CSMD1: variants seen among roughly 807,000 people sequenced by gnomAD.
CSMD1 encodes CUB and Sushi multiple domains 1.
In CSMD1, 213 loss-of-function variants were observed where a neutral mutation model predicts 417.5. That is an observed-to-expected ratio of 0.51 (90% confidence interval 0.46 to 0.57). The LOEUF is 0.57. Ranked by LOEUF, CSMD1 falls within the 20% of genes least tolerant of loss-of-function variation. CSMD1 has a pLI of 0.00. For synonymous variants in CSMD1, 2,862 were observed against 1,736.8 expected (o/e 1.65, Z -16.11); for missense variants, 6,923 against 4,529.7 (o/e 1.53, Z -15.17).
intron 25 of CSMD1, among the ~76,000 whole-genome samples, chr8:3,305,057 T>G (rs1369778046): frequency 6.6e-6 from 1 of 152,156 alleles, no homozygotes; most frequent in Non-Finnish European, 1.5e-5. Flanking sequence ...ATTAATTTAT[T>G]TACTTAAGAC....
At chr8:3,468,646 C>A (rs1436389589) in intron 12 of CSMD1, 66 bp downstream of exon 12, 1 of 973,996 alleles carries the variant, frequency 1.0e-6, no homozygotes, top group Non-Finnish European at 1.6e-6. Context: ...CTAACCAACA[C>A]AGAATGCTCT....
chr8:3,516,911 G>C (rs753984884), intron 10 of CSMD1, among the ~76,000 whole-genome samples: 1 of 152,164 alleles, frequency 6.6e-6, no homozygotes, highest in East Asian at 1.9e-4. Context: ...CTGCAAAATC[G>C]TAGAACCAAC....
intron 2 of CSMD1, among the ~76,000 whole-genome samples, chr8:4,635,634 G>C (rs189351723): frequency 2.2e-3 from 335 of 152,154 alleles, no homozygotes; most frequent in African/African-American, 7.8e-3. Context: ...AAAATGGATT[G>C]TCTAATTCTT....
At chr8:3,826,405 G>A (rs1341386899) in intron 5 of CSMD1, among the ~76,000 whole-genome samples, 1 of 152,144 alleles carries the variant, frequency 6.6e-6, no homozygotes, top group Non-Finnish European at 1.5e-5. Flanking sequence ...CTGATCATGA[G>A]ACACGAGTTA....
Position 3,976,299 on chromosome 8 carries a change from C to A in CSMD1, c.818+21604G>T, listed in dbSNP as rs192282158. On this transcript the variant is annotated intron_variant, in intron 5 of 69. Transcript: ENST00000635120. ...TTTTTAGCTGTCAGGTTATACTTAT[C>A]ATTTTTTTCTCATAGAGTCAATGCG... Among the ~76,000 whole-genome samples, 1,356 of 150,608 alleles carry A rather than the reference C, an allele frequency of 9.0e-3. 73 individuals are homozygous for A. The highest frequency in any genetic ancestry group is 0.076 in the Admixed American group (1,161 of 15,246).
chr8:4,609,824 C>T (rs943803570), intron 2 of CSMD1, among the ~76,000 whole-genome samples: 1 of 152,116 alleles, frequency 6.6e-6, no homozygotes, highest in Admixed American at 6.5e-5. Flanking sequence ...TAAAACCAAG[C>T]ATCAAATGCC....
At chr8:4,410,811 A>G (rs549282417) in intron 3 of CSMD1, among the ~76,000 whole-genome samples, 1 of 152,330 alleles carries the variant, frequency 6.6e-6, no homozygotes, top group East Asian at 1.9e-4. Context: ...CAATGGTTTG[A>G]ATATGGTTTG....
intron 3 of CSMD1, among the ~76,000 whole-genome samples, chr8:4,169,747 C>A (rs556264720): frequency 6.6e-6 from 1 of 152,234 alleles, no homozygotes; most frequent in East Asian, 1.9e-4. Context: ...GTTCAAACGC[C>A]CCCTTGAGGA....
At chr8:3,011,472 G>A (rs1808376689) in intron 52 of CSMD1, among the ~76,000 whole-genome samples, 1 of 151,962 alleles carries the variant, frequency 6.6e-6, no homozygotes, top group African/African-American at 2.4e-5. Context: ...GACTATCTAA[G>A]AACTATGAAT....
intron 10 of CSMD1, among the ~76,000 whole-genome samples, chr8:3,521,152 TG>T (rs1362973922): frequency 3.5e-5 from 4 of 112,842 alleles, no homozygotes; most frequent in Non-Finnish European, 7.7e-5. Context: ...ACACTGAAAA[TG>T]AATGTATTTA....
chr8:4,049,867 T>C (rs191293117), intron 3 of CSMD1, among the ~76,000 whole-genome samples: 67 of 151,948 alleles, frequency 4.4e-4, no homozygotes, highest in Admixed American at 9.2e-4. Flanking sequence ...TAAAGTCTTA[T>C]TGAATTATCT....
chr8:4,906,331 T>G (rs1440786610), intron 1 of CSMD1, among the ~76,000 whole-genome samples: 1 of 152,220 alleles, frequency 6.6e-6, no homozygotes, highest in Non-Finnish European at 1.5e-5. Flanking sequence ...TAAGTATTAT[T>G]TTCCTTTAAA....
At chr8:3,252,008 A>C (rs1466996546) in intron 26 of CSMD1, among the ~76,000 whole-genome samples, 4 of 152,250 alleles carry the variant, frequency 2.6e-5, no homozygotes, top group African/African-American at 7.2e-5. Context: ...TGTCATCTGC[A>C]AACAGGGACA....
At chr8:3,968,741 C>G (rs1450262440) in intron 5 of CSMD1, among the ~76,000 whole-genome samples, 1 of 152,136 alleles carries the variant, frequency 6.6e-6, no homozygotes, top group Non-Finnish European at 1.5e-5. Context: ...AGCATTTAAG[C>G]AGCCTCAACA....
intron 1 of CSMD1, among the ~76,000 whole-genome samples, chr8:4,956,916 C>T (rs150539762): frequency 4.5e-4 from 69 of 152,226 alleles, no homozygotes; most frequent in Non-Finnish European, 8.4e-4. Context: ...CATTTTTGTC[C>T]ACATTCAATT....
intron 1 of CSMD1, among the ~76,000 whole-genome samples, chr8:4,745,726 T>G (rs1810908973): frequency 6.6e-6 from 1 of 152,148 alleles, no homozygotes; most frequent in Non-Finnish European, 1.5e-5. Flanking sequence ...TTAGCATACT[T>G]TAATGGAGTA....
chr8:4,699,519 G>A (rs556282170), intron 1 of CSMD1, among the ~76,000 whole-genome samples: 1 of 152,096 alleles, frequency 6.6e-6, no homozygotes, highest in Non-Finnish European at 1.5e-5. Context: ...CGAACACTCA[G>A]CTTATGTTCT....
At chr8:3,521,958 A>C (rs528098319) in intron 10 of CSMD1, among the ~76,000 whole-genome samples, 2 of 152,360 alleles carry the variant, frequency 1.3e-5, no homozygotes, top group South Asian at 4.1e-4. Flanking sequence ...AAGTACAAAA[A>C]TGCAATTAAC....
At chr8:4,843,136 T>C (rs1230729835) in intron 1 of CSMD1, among the ~76,000 whole-genome samples, 13 of 152,148 alleles carry the variant, frequency 8.5e-5, no homozygotes, top group Non-Finnish European at 4.4e-5. Flanking sequence ...TGAACAAACA[T>C]GCCCAAGGGT....
Sources: allele counts gnomAD v4.1 joint callset (sites outside exome capture counted in the v4.1 genomes callset), GRCh38; gene constraint gnomAD v4.1.1; transcripts MANE v1.5; gene names NCBI Gene and HGNC (gene_info 2026-07-23, HGNC 2026-07-21).